TNIK: variants seen among roughly 807,000 people sequenced by gnomAD.
The protein encoded by TNIK is TRAF2 and NCK-interacting protein kinase.
In TNIK, 49 loss-of-function variants were observed where a neutral mutation model predicts 191.3. The observed-to-expected ratio is 0.26, with a 90% CI of 0.20 to 0.32. The LOEUF (loss-of-function observed/expected upper bound fraction) is 0.32, where lower values mean the gene tolerates loss of function less well. Ranked by LOEUF, TNIK falls within the 10% of genes least tolerant of loss-of-function variation. The pLI is 1.00. For missense variants in TNIK, 1,155 were observed against 1,702.3 expected, an observed-to-expected ratio of 0.68 and a Z score of 5.66; for synonymous variants, 594 against 600.9, an observed-to-expected ratio of 0.99 and a Z score of 0.17.
intron 1 of TNIK, among the ~76,000 whole-genome samples, chr3:171,385,303 G>A (rs2108530552): frequency 6.6e-6 from 1 of 152,230 alleles, no homozygotes; most frequent in South Asian, 2.1e-4. Flanking sequence ...CAAACCTGGG[G>A]CCCTCTCAGC....
chr3:171,428,837 T>C (rs6444987), intron 1 of TNIK, among the ~76,000 whole-genome samples: 69,072 of 151,858 alleles, frequency 0.45, 16,424 homozygotes, highest in Middle Eastern at 0.49. Context: ...CTCCTCTTTC[T>C]CTTTCATTGT....
intron 8 of TNIK, 69 bp downstream of exon 8, chr3:171,177,257 C>A: frequency 6.5e-7 from 1 of 1,529,566 alleles, no homozygotes; most frequent in East Asian, 2.4e-5. Flanking sequence ...ACTGCAGCTC[C>A]TGGCAAGGAA....
At chr3:171,390,260 G>A (rs1049599031) in intron 1 of TNIK, among the ~76,000 whole-genome samples, 11 of 152,100 alleles carry the variant, frequency 7.2e-5, no homozygotes, top group Admixed American at 2.0e-4. Flanking sequence ...AATTACTCTC[G>A]GTACTTTCGT....
chr3:171,225,024 G>A (rs550411650), intron 3 of TNIK, among the ~76,000 whole-genome samples: 9 of 152,234 alleles, frequency 5.9e-5, no homozygotes, highest in Middle Eastern at 3.4e-3. Flanking sequence ...TCAAGCTTAT[G>A]GCTTTATCAG....
rs187583585 is a variant in TNIK, at chr3:171,348,235, T to C, written c.123+21385A>G. On this transcript the variant is annotated intron_variant, in intron 2 of 32. Transcript: ENST00000436636. ...CTGGGGCACTCAGCTCTATGCCAAG[T>C]ATTACAGCAGCAGGAAACCATAGAT... Among the ~76,000 whole-genome samples the C allele has an allele frequency of 4.1e-3, 627 of 152,290 alleles. 4 individuals are homozygous for C. The highest frequency in any genetic ancestry group is 0.014 in the African/African-American group (576 of 41,558).
At position 171,279,081 on chromosome 3, in the gene TNIK, T is replaced by G. The variant is rs144352353; in HGVS notation, c.124-50860A>C. Among the ~76,000 whole-genome samples, 13 of 152,012 alleles carry G rather than the reference T, an allele frequency of 8.6e-5. No individual in the cohort carries two copies. In the East Asian group the frequency reaches 2.3e-3, roughly 27 times the overall value. On this transcript the variant is annotated intron_variant, in intron 2 of 32. Transcript: ENST00000436636. ...GATTTCCTAATTCTTGGTATTTGGA[T>G]GAAGAGTTTATATGCAGACATTATT...
chr3:171,254,660 T>C (rs575318139), intron 2 of TNIK, among the ~76,000 whole-genome samples: 1 of 152,336 alleles, frequency 6.6e-6, no homozygotes, highest in South Asian at 2.1e-4. Flanking sequence ...TCCCAACTAC[T>C]AATACAGATA....
chr3:171,107,140 T>C, intron 21 of TNIK, 43 bp downstream of exon 21: 1 of 1,590,294 alleles, frequency 6.3e-7, no homozygotes, highest in Non-Finnish European at 8.6e-7. Context: ...AAGTTTAATA[T>C]TTACATTTTG....
intron 2 of TNIK, among the ~76,000 whole-genome samples, chr3:171,327,699 G>A (rs1265686548): frequency 1.3e-5 from 2 of 151,840 alleles, no homozygotes; most frequent in African/African-American, 2.4e-5. Flanking sequence ...GGTGGGCGGG[G>A]TGGGAGCAAA....
At chr3:171,304,035 C>T (rs1753156978) in intron 2 of TNIK, among the ~76,000 whole-genome samples, 1 of 119,290 alleles carries the variant, frequency 8.4e-6, no homozygotes. Flanking sequence ...TGAGTTGAAC[C>T]ATGAGAGGAG....
At chr3:171,200,924 T>G (rs1739323014) in intron 4 of TNIK, among the ~76,000 whole-genome samples, 1 of 152,174 alleles carries the variant, frequency 6.6e-6, no homozygotes, top group South Asian at 2.1e-4. Context: ...TGACAGGAAC[T>G]AATTCCTCCC....
At chr3:171,411,480 A>G (rs1252971957) in intron 1 of TNIK, among the ~76,000 whole-genome samples, 1 of 152,102 alleles carries the variant, frequency 6.6e-6, no homozygotes, top group Non-Finnish European at 1.5e-5. Context: ...CATGTATTTT[A>G]TAATGTCATC....
intron 2 of TNIK, among the ~76,000 whole-genome samples, chr3:171,290,525 T>C (rs1322670602): frequency 1.3e-5 from 2 of 152,232 alleles, no homozygotes; most frequent in Non-Finnish European, 2.9e-5. Flanking sequence ...TATTATTATA[T>C]GTCAAAATGA....
At chr3:171,066,532 TG>T (rs747707077) in intron 31 of TNIK, 43 bp downstream of exon 31, 4 of 1,613,046 alleles carry the variant, frequency 2.5e-6, no homozygotes, top group African/African-American at 2.7e-5. Flanking sequence ...TCGTTTCATT[TG>T]GGGGGTGTAA....
rs1353285479 is a variant in TNIK, at chr3:171,123,533, A to C, written c.2120+63T>G. On this transcript the variant is annotated intron_variant, in intron 18 of 32. Coordinates refer to ENST00000436636, the MANE Select transcript of TNIK (RefSeq NM_015028.4). ...AAAAAGAACACAGGCATTTCTAGGA[A>C]AGCAATAATGACAATGGTGGGTAGG... 6 of 1,344,718 alleles carry C rather than the reference A, an allele frequency of 4.5e-6. No individual in the cohort carries two copies. In the East Asian group the frequency reaches 1.6e-4, roughly 35 times the overall value. The allele number at this position is 1,344,718 out of a possible 1,614,324, so 83.3% of individuals were successfully genotyped here.
intron 23 of TNIK, among the ~76,000 whole-genome samples, chr3:171,092,807 T>C (rs1039495059): frequency 2.2e-4 from 34 of 152,212 alleles, no homozygotes; most frequent in Non-Finnish European, 1.6e-4. Flanking sequence ...CTTTGCCTTT[T>C]TGGAGAGCAA....
intron 2 of TNIK, among the ~76,000 whole-genome samples, chr3:171,301,439 C>T (rs1752867273): frequency 6.6e-6 from 1 of 151,934 alleles, no homozygotes; most frequent in Non-Finnish European, 1.5e-5. Flanking sequence ...CTCAGCCTCC[C>T]GAGTAGCTGG....
chr3:171,094,414 G>A (rs1280934165), intron 22 of TNIK, among the ~76,000 whole-genome samples: 1 of 152,136 alleles, frequency 6.6e-6, no homozygotes. Context: ...GGGATTATAG[G>A]CGTGAGCCAC....
intron 1 of TNIK, among the ~76,000 whole-genome samples, chr3:171,451,639 C>T (rs897091099): frequency 1.3e-5 from 2 of 152,122 alleles, no homozygotes; most frequent in African/African-American, 4.8e-5. Flanking sequence ...CGGAGAACTA[C>T]AAGAATGAGC....
Sources: gnomAD v4.1 joint callset for allele counts (sites outside exome capture counted in the v4.1 genomes callset) on GRCh38, gnomAD v4.1.1 for gene constraint, MANE v1.5 for transcripts, NCBI Gene and HGNC (gene_info 2026-07-23, HGNC 2026-07-21) for gene names.